NCSTN: variants seen among roughly 807,000 people sequenced by gnomAD.
NCSTN encodes the protein anterior pharynx-defective 2.
In NCSTN, 22 loss-of-function variants were observed where a neutral mutation model predicts 87.0. The ratio of observed to expected loss-of-function variants is 0.25; its 90% CI spans 0.18 to 0.36. NCSTN has a LOEUF of 0.36. Ranked by LOEUF, NCSTN falls within the 10% of genes least tolerant of loss-of-function variation. NCSTN has a pLI of 1.00. For synonymous variants in NCSTN, 306 were observed against 327.1 expected (o/e 0.94, Z 0.69); for missense variants, 693 against 883.3 (o/e 0.78, Z 2.73).
At chr1:160,344,956 C>G in intron 2 of NCSTN, 130 bp downstream of exon 2, 1 of 798,570 alleles carries the variant, frequency 1.3e-6, no homozygotes. Flanking sequence ...TACAGATAAC[C>G]GTCTGTCAAG....
At chr1:160,356,827 T>A (rs1375538614) in intron 15 of NCSTN, 73 bp downstream of exon 15, 3 of 1,582,680 alleles carry the variant, frequency 1.9e-6, no homozygotes, top group Non-Finnish European at 2.6e-6. Flanking sequence ...CTTCTAGACC[T>A]AGTTAGACCC....
In NCSTN at chr1:160,358,313, CTAGAGCA is replaced by C; in HGVS notation, c.*44_*50del. 1 of 1,613,130 alleles carries C rather than the reference CTAGAGCA, an allele frequency of 6.2e-7. No homozygotes were observed. The highest frequency in any genetic ancestry group is 8.5e-7 in the Non-Finnish European group (1 of 1,179,896). ...TCTTGCCAGCTCAGCAGTTCACTTC[CTAGAGCA>C]TCTGTCCCACTGGGACACAACCACT... On this transcript the variant is annotated 3_prime_UTR_variant, in exon 17 of 17. Transcript: ENST00000294785.
In NCSTN at chr1:160,358,422, A is replaced by T; in HGVS notation, c.*151A>T. On this transcript the variant is annotated 3_prime_UTR_variant, in exon 17 of 17. Transcript: ENST00000294785. ...AAGAGTGGAACTATCCAAAAGAGAC[A>T]GGGAGAAATAAATAAATTGCCTCCC... The T allele has an allele frequency of 9.7e-7, 1 of 1,032,202 alleles. No individual in the cohort carries two copies. The highest frequency in any genetic ancestry group is 1.3e-5 in the South Asian group (1 of 74,510). 63.9% of individuals were successfully genotyped at this position (1,032,202 alleles called of 1,614,324 possible).
chr1:160,356,536 G>A, intron 14 of NCSTN, 64 bp from the exon 15 acceptor site: 1 of 1,599,306 alleles, frequency 6.3e-7, no homozygotes, highest in South Asian at 1.1e-5. Context: ...GCCAATCTTG[G>A]GCTTTTCCTA....
At chr1:160,344,530 C>T (rs1266262465) in intron 1 of NCSTN, 192 bp from the exon 2 acceptor site, 1 of 1,549,220 alleles carries the variant, frequency 6.5e-7, no homozygotes, top group African/African-American at 1.4e-5. Flanking sequence ...AGGCACATAG[C>T]TGGGTGCCAT....
Position 160,358,302 on chromosome 1 carries a change from C to T in NCSTN, c.*31C>T, listed in dbSNP as rs1453427720. The T allele has an allele frequency of 1.2e-6, 2 of 1,613,634 alleles. No individual in the cohort carries two copies. The highest frequency in any genetic ancestry group is 1.7e-6 in the Non-Finnish European group (2 of 1,180,004). On this transcript the variant is annotated 3_prime_UTR_variant, in exon 17 of 17. Coordinates refer to ENST00000294785, the MANE Select transcript of NCSTN (RefSeq NM_015331.3). ...ACCCCAGCTTTTCTTGCCAGCTCAG[C>T]AGTTCACTTCCTAGAGCATCTGTCC...
Position 160,350,345 on chromosome 1 carries a change from G to A in NCSTN, c.582+95G>A, listed in dbSNP as rs80171747. On this transcript the variant is annotated intron_variant, in intron 5 of 16. Coordinates refer to ENST00000294785, the MANE Select transcript of NCSTN (RefSeq NM_015331.3). ...TGTGTGCACGTAGTCCCAGCCACCC[G>A]GGAGGCTGAGACAGGAGGATCACTT... The A allele has an allele frequency of 7.1e-4, 1,018 of 1,440,728 alleles. 7 individuals are homozygous for A. The East Asian group carries it at 0.016, about 23-fold the overall frequency. 89.2% of individuals were successfully genotyped at this position (1,440,728 alleles called of 1,614,324 possible).
In NCSTN at chr1:160,354,239, G is replaced by T; in HGVS notation, c.1301G>T (p.Arg434Leu). Residue 434 changes from arginine to leucine, a missense_variant, in exon 11 of 17, where the codon CGA becomes CTA. By Grantham distance (102) the Arg-to-Leu change is moderately radical. Coordinates refer to ENST00000294785, the MANE Select transcript of NCSTN (RefSeq NM_015331.3). ...PSSLQRFLRA[R>L]NISGVVLADH... is the part of the protein sequence containing the mutation. ...TCCCTGCAGCGATTTCTTCGAGCTC[G>T]AAACATCTCTGGCGTTGTTCTGGCT... The T allele has an allele frequency of 3.1e-6, 5 of 1,614,128 alleles. No individual in the cohort carries two copies. The highest frequency in any genetic ancestry group is 4.2e-6 in the Non-Finnish European group (5 of 1,180,030).
chr1:160,351,407 A>G (rs753523708), intron 6 of NCSTN, 35 bp downstream of exon 6: 9 of 1,608,886 alleles, frequency 5.6e-6, no homozygotes, highest in African/African-American at 1.3e-5. Context: ...GTAATGGAAT[A>G]AGGGGCAGAG....
intron 11 of NCSTN, among the ~76,000 whole-genome samples, chr1:160,354,907 T>G (rs1346838177): frequency 2.6e-5 from 4 of 152,186 alleles, no homozygotes; most frequent in Non-Finnish European, 5.9e-5. Context: ...CAAATGAGTT[T>G]CGTAGTGAAA....
chr1:160,353,592 G>GCCCAA (rs758022793), intron 10 of NCSTN: 387 of 1,213,564 alleles, frequency 3.2e-4, no homozygotes, highest in Non-Finnish European at 3.9e-4. Flanking sequence ...CACACTCGCT[G>GCCCAA]CCCAACTTGT....
intron 10 of NCSTN, chr1:160,353,586 C>T: frequency 8.2e-7 from 1 of 1,221,336 alleles, no homozygotes; most frequent in African/African-American, 1.6e-5. Context: ...CTGTGTCACA[C>T]TCGCTGCCCA....
intron 2 of NCSTN, among the ~76,000 whole-genome samples, chr1:160,345,952 A>AAG (rs1648464305): frequency 6.6e-6 from 1 of 151,724 alleles, no homozygotes; most frequent in South Asian, 2.1e-4. Context: ...AAAAAAAAAA[A>AAG]AAAAAAAAAG....
chr1:160,357,178 A>G lies in NCSTN; in HGVS notation c.1932A>G (p.Glu644=), dbSNP rs1649173754. The change falls in exon 16 of 17, where the codon GAA becomes GAG. Residue 644 remains glutamate (E), a synonymous_variant. Coordinates refer to ENST00000294785, the MANE Select transcript of NCSTN (RefSeq NM_015331.3). Reference sequence around the variant, plus strand: ...AACTGAGTCAGTGGAGCTCTACTGAATACTCTACATGGACTGAGAGCCGCT... The same window carrying G: ...AACTGAGTCAGTGGAGCTCTACTGAGTACTCTACATGGACTGAGAGCCGCT... The part of the protein sequence containing the change: ...AFELSQWSST[E]YSTWTESRWK... 6.2e-7 allele frequency: 1 copy of G among 1,614,142 alleles called. No homozygotes were observed. The highest frequency in any genetic ancestry group is 8.5e-7 in the Non-Finnish European group (1 of 1,180,006).
At chr1:160,343,947 G>T in intron 1 of NCSTN, 3 of 176,000 alleles carry the variant, frequency 1.7e-5, no homozygotes, top group South Asian at 7.8e-5. Flanking sequence ...CCCCTGCCTT[G>T]CCTCAGGTTT....
At chr1:160,348,889 C>T in intron 2 of NCSTN, 110 bp from the exon 3 acceptor site, 1 of 1,511,446 alleles carries the variant, frequency 6.6e-7, no homozygotes, top group Admixed American at 1.7e-5. Context: ...CCTGTATTCA[C>T]CCAAATATGT....
Position 160,356,526 on chromosome 1 carries a change from G to T in NCSTN, c.1640-74G>T. On this transcript the variant is annotated intron_variant, in intron 14 of 16. Coordinates refer to ENST00000294785, the MANE Select transcript of NCSTN (RefSeq NM_015331.3). ...TCCATTGCCCTTCTTTCTGGCTGCTGCCAATCTTGGGCTTTTCCTATTTCA... is the reference window on the plus strand; with the variant it reads ...TCCATTGCCCTTCTTTCTGGCTGCTTCCAATCTTGGGCTTTTCCTATTTCA... 2 of 1,584,300 alleles carry T rather than the reference G, an allele frequency of 1.3e-6. 1 individual carries two copies.
intron 16 of NCSTN, 147 bp from the exon 17 acceptor site, chr1:160,358,002 G>T: frequency 1.0e-6 from 1 of 994,340 alleles, no homozygotes; most frequent in Non-Finnish European, 1.6e-6. Context: ...CTGTAGGCTG[G>T]AGAGATGTTG....
chr1:160,356,083 G>A (rs1649116157), intron 13 of NCSTN, 125 bp downstream of exon 13: 1 of 1,071,864 alleles, frequency 9.3e-7, no homozygotes, highest in Admixed American at 2.0e-5. Context: ...AATGCCTCAT[G>A]CCCCAGAGAG....
Sources: gnomAD v4.1 joint callset for allele counts (sites outside exome capture counted in the v4.1 genomes callset) on GRCh38, gnomAD v4.1.1 for gene constraint, MANE v1.5 for transcripts, NCBI Gene and HGNC (gene_info 2026-07-23, HGNC 2026-07-21) for gene names.